The following CCDC69 variants were observed in gnomAD, a reference collection of about 807,000 sequenced individuals.
CCDC69 encodes coiled-coil domain containing 69, also known as coiled-coil domain-containing protein 69.
Under a neutral mutation model 40.3 loss-of-function variants are expected in CCDC69, and 38 were observed. The observed-to-expected ratio is 0.94, with a 90% CI of 0.73 to 1.24. The LOEUF (loss-of-function observed/expected upper bound fraction) is 1.24. Among genes scored for constraint, CCDC69 ranks in the 50% most tolerant of loss-of-function variants. The probability of loss-of-function intolerance (pLI) is 0.00; values close to 1 mark genes in which losing one functional copy is unlikely to be tolerated. For synonymous variants in CCDC69, 141 were observed against 138.9 expected (o/e 1.02, Z -0.11); for missense variants, 389 against 357.9 (o/e 1.09, Z -0.70).
chr5:151,194,620 C>T (rs1045861106), intron 4 of CCDC69, among the ~76,000 whole-genome samples: 3 of 152,054 alleles, frequency 2.0e-5, no homozygotes, highest in Non-Finnish European at 4.4e-5. Context: ...TGCGGCAGGG[C>T]GCGGTGGCTT....
intron 2 of CCDC69, among the ~76,000 whole-genome samples, chr5:151,202,326 A>G (rs1297550898): frequency 3.3e-5 from 5 of 152,126 alleles, no homozygotes; most frequent in Non-Finnish European, 7.3e-5. Flanking sequence ...GCATCACTGC[A>G]CTCCAGTCTG....
chr5:151,190,824 GA>G (rs1163942550), intron 4 of CCDC69, among the ~76,000 whole-genome samples: 4 of 150,558 alleles, frequency 2.7e-5, no homozygotes, highest in Non-Finnish European at 5.9e-5. Context: ...AAAAAAGCAG[GA>G]AAGGGAAAAC....
chr5:151,194,283 C>T (rs1392045759), intron 4 of CCDC69, among the ~76,000 whole-genome samples: 1 of 152,162 alleles, frequency 6.6e-6, no homozygotes, highest in East Asian at 1.9e-4. Context: ...ATAATTGCCT[C>T]AAATGTCCTG....
chr5:151,206,731 A>C (rs1460560899), intron 1 of CCDC69, among the ~76,000 whole-genome samples: 5 of 151,610 alleles, frequency 3.3e-5, no homozygotes, highest in African/African-American at 1.2e-4. Context: ...CCTGGGTTCA[A>C]GTGATTCTCC....
At chr5:151,192,673 C>T (rs1164418089) in intron 4 of CCDC69, among the ~76,000 whole-genome samples, 4 of 152,288 alleles carry the variant, frequency 2.6e-5, no homozygotes, top group African/African-American at 9.6e-5. Context: ...ATGGGGCAAG[C>T]TTTATCCTGA....
chr5:151,221,939 A>G lies in CCDC69; in HGVS notation c.48+1984T>C, dbSNP rs533491836. Among the ~76,000 whole-genome samples the G allele has an allele frequency of 9.8e-5, 15 of 152,360 alleles. No homozygotes were observed. In the South Asian group the frequency reaches 3.1e-3, roughly 32 times the overall value. On this transcript the variant is annotated intron_variant, in intron 1 of 8. Transcript: ENST00000355417. The stretch of plus-strand genomic sequence containing the variant: ...CAGGAGCACAGCCTACAGGGATGAG[A>G]ACTTTAAACAAAAACAGCCCATAAA...
intron 1 of CCDC69, among the ~76,000 whole-genome samples, chr5:151,209,640 T>A (rs531687939): frequency 2.6e-5 from 4 of 152,090 alleles, no homozygotes; most frequent in Non-Finnish European, 5.9e-5. Flanking sequence ...AGTGCAGTGG[T>A]GTGATCAGGG....
Position 151,183,036 on chromosome 5 carries a change from G to C in CCDC69, c.*401C>G. ...GGCCAGGGTGGAGTGGAAACACCTA[G>C]AGGAAGTTGATAAGTCAGCAAGTCG... is the stretch of plus-strand genomic sequence containing the variant. On this transcript the variant is annotated 3_prime_UTR_variant, in exon 9 of 9. Coordinates refer to ENST00000355417, the MANE Select transcript of CCDC69 (RefSeq NM_015621.3). 1 of 464,070 alleles carries C rather than the reference G, an allele frequency of 2.2e-6. No homozygotes were observed. Among genetic ancestry groups the C allele is most frequent in the South Asian group, 1.5e-5 (1 of 64,622 alleles). The allele number at this position is 464,070 out of a possible 1,614,324, so 28.7% of individuals were successfully genotyped here.
intron 2 of CCDC69, among the ~76,000 whole-genome samples, chr5:151,202,877 CCACATGAGTGAGG>C (rs1237325118): frequency 6.6e-6 from 1 of 152,076 alleles, no homozygotes; most frequent in Non-Finnish European, 1.5e-5. Context: ...ATGGCACCTA[CCACATGAGTGAGG>C]CTGAGATGAT....
intron 1 of CCDC69, chr5:151,210,619 C>G (rs1752932833): frequency 6.6e-6 from 1 of 152,036 alleles, no homozygotes. Flanking sequence ...TCTAATATTA[C>G]ATGTCTAATA....
intron 4 of CCDC69, among the ~76,000 whole-genome samples, chr5:151,188,495 C>T (rs1053716069): frequency 4.0e-5 from 6 of 151,844 alleles, no homozygotes; most frequent in African/African-American, 1.2e-4. Flanking sequence ...GTCCCAGCTA[C>T]TCAGGATGCT....
At chr5:151,210,486 G>A (rs1457193806) in intron 1 of CCDC69, among the ~76,000 whole-genome samples, 4 of 152,272 alleles carry the variant, frequency 2.6e-5, no homozygotes, top group African/African-American at 7.2e-5. Context: ...GGAGGTTGCA[G>A]TGAGCCAAGA....
chr5:151,203,708 T>A (rs1752809697), intron 2 of CCDC69, among the ~76,000 whole-genome samples: 1 of 137,640 alleles, frequency 7.3e-6, no homozygotes. Context: ...GTATATATAT[T>A]ATATATACTA....
At chr5:151,207,820 T>G (rs1752873860) in intron 1 of CCDC69, among the ~76,000 whole-genome samples, 1 of 151,816 alleles carries the variant, frequency 6.6e-6, no homozygotes, top group Non-Finnish European at 1.5e-5. Context: ...TAAAAAAAAT[T>G]TAAGCCCTTT....
intron 1 of CCDC69, chr5:151,212,937 TC>T (rs1399268151): frequency 2.2e-6 from 1 of 455,234 alleles, no homozygotes; most frequent in Non-Finnish European, 4.4e-6. Context: ...AAGTGAGCGC[TC>T]CATCATTAGT....
At chr5:151,191,594 T>C (rs942231986) in intron 4 of CCDC69, among the ~76,000 whole-genome samples, 2 of 152,278 alleles carry the variant, frequency 1.3e-5, no homozygotes, top group East Asian at 1.9e-4. Context: ...CACTTGGAAA[T>C]GCACTTCCAC....
chr5:151,190,712 A>G (rs1003677477), intron 4 of CCDC69, among the ~76,000 whole-genome samples: 5 of 150,862 alleles, frequency 3.3e-5, no homozygotes, highest in Non-Finnish European at 7.4e-5. Flanking sequence ...TGTTAAGTAT[A>G]TTGTAATTCT....
At position 151,183,388 on chromosome 5, in the gene CCDC69, T is replaced by G; in HGVS notation, c.*49A>C. The G allele has an allele frequency of 6.4e-7, 1 of 1,567,902 alleles. No individual in the cohort carries two copies. Among genetic ancestry groups the G allele is most frequent in the Non-Finnish European group, 8.7e-7 (1 of 1,153,974 alleles). ...CCTGCTGTCTTCTCCAGAAAAACCT[T>G]GGAAGGAGCTGTGACTTCAGGCGTC... is the stretch of plus-strand genomic sequence containing the variant. On this transcript the variant is annotated 3_prime_UTR_variant, in exon 9 of 9. Transcript: ENST00000355417.
chr5:151,220,909 C>T (rs1407399818), intron 1 of CCDC69, among the ~76,000 whole-genome samples: 1 of 152,126 alleles, frequency 6.6e-6, no homozygotes, highest in Non-Finnish European at 1.5e-5. Context: ...TTCCTTGACC[C>T]CTACCCACTC....
Sources: gnomAD v4.1 joint callset for allele counts (sites outside exome capture counted in the v4.1 genomes callset) on GRCh38, gnomAD v4.1.1 for gene constraint, MANE v1.5 for transcripts, NCBI Gene and HGNC (gene_info 2026-07-23, HGNC 2026-07-21) for gene names.